COL23A1: variants seen among roughly 807,000 people sequenced by gnomAD.
The protein encoded by COL23A1 is collagen alpha-1(XXIII) chain.
A neutral mutation model predicts 99.3 loss-of-function variants in COL23A1; 97 were observed. The ratio of observed to expected loss-of-function variants is 0.98; its 90% confidence interval spans 0.83 to 1.16. The LOEUF (loss-of-function observed/expected upper bound fraction) is 1.16. COL23A1 is among the 50% of genes most tolerant of loss of function. The probability of loss-of-function intolerance (pLI) is 0.00; values close to 1 mark genes in which losing one functional copy is unlikely to be tolerated. For missense variants in COL23A1, 762 were observed against 757.4 expected, an observed-to-expected ratio of 1.01 and a Z score of -0.07; for synonymous variants, 320 against 308.2, an observed-to-expected ratio of 1.04 and a Z score of -0.40.
intron 2 of COL23A1, among the ~76,000 whole-genome samples, chr5:178,318,941 G>A (rs1180268418): frequency 6.6e-6 from 1 of 152,086 alleles, no homozygotes; most frequent in African/African-American, 2.4e-5. Flanking sequence ...AAGGGTGGAG[G>A]TCAGGTGAAC....
At chr5:178,374,044 T>C (rs1762938109) in intron 2 of COL23A1, among the ~76,000 whole-genome samples, 1 of 152,232 alleles carries the variant, frequency 6.6e-6, no homozygotes, top group Non-Finnish European at 1.5e-5. Flanking sequence ...ACAGGTCATA[T>C]GCACCTTTGA....
intron 3 of COL23A1, among the ~76,000 whole-genome samples, chr5:178,295,843 A>G (rs1757714056): frequency 6.6e-6 from 1 of 152,248 alleles, no homozygotes; most frequent in Admixed American, 6.5e-5. Context: ...GTATTGCTGC[A>G]TTTTAAAAGG....
At chr5:178,321,480 C>CTTTTTTTTTTTTTT in intron 2 of COL23A1, among the ~76,000 whole-genome samples, 1 of 109,040 alleles carries the variant, frequency 9.2e-6, no homozygotes, top group Non-Finnish European at 1.8e-5. Flanking sequence ...GTCACCTTCC[C>CTTTTTTTTTTTTTT]TTTTTTTTTT....
At chr5:178,442,447 T>G (rs1419910357) in intron 2 of COL23A1, among the ~76,000 whole-genome samples, 1 of 152,220 alleles carries the variant, frequency 6.6e-6, no homozygotes, top group Non-Finnish European at 1.5e-5. Context: ...GTTTTACCCC[T>G]GAGCATGTCA....
rs906121136 is a variant in COL23A1 at position 178,247,880 on chromosome 5, C to T, written c.1213-49G>A. On this transcript the variant is annotated intron_variant, in intron 20 of 28. Transcript: ENST00000390654. ...AGTCACCCACCGCCTGTCACCCTCA[C>T]CTACCCGCACCCGAGCTCATCGCAC... 4.0e-6 allele frequency: 6 copies of T among 1,505,640 alleles called. No individual in the cohort carries two copies. In the African/African-American group the frequency reaches 5.5e-5, roughly 14 times the overall value. The allele number at this position is 1,505,640 out of a possible 1,614,324, so 93.3% of individuals were successfully genotyped here. A position where few individuals can be genotyped will look rare whatever the true frequency, so the allele number is the denominator to read the frequency against.
At chr5:178,287,326 C>T (rs141845073) in intron 5 of COL23A1, among the ~76,000 whole-genome samples, 175 of 152,330 alleles carry the variant, frequency 1.1e-3, no homozygotes, top group Non-Finnish European at 2.0e-3. Flanking sequence ...CAGCCCAGCA[C>T]GGGGCCACTC....
rs201673007 is a variant in COL23A1, at chr5:178,246,220, C to T, written c.1413+34G>A. The T allele has an allele frequency of 5.5e-5, 85 of 1,551,688 alleles. No individual in the cohort carries two copies. In the African/African-American group the frequency reaches 9.0e-4, roughly 16 times the overall value. ...GAGCGCCACCATGACCAGGTGGCCA[C>T]GGTTGGAGAGGGAGTTCCGAATGAG... On this transcript the variant is annotated intron_variant, in intron 24 of 28. Transcript: ENST00000390654.
At chr5:178,291,744 G>C (rs959828336) in intron 3 of COL23A1, among the ~76,000 whole-genome samples, 2 of 152,130 alleles carry the variant, frequency 1.3e-5, no homozygotes, top group African/African-American at 4.8e-5. Context: ...TGGTGGGTGA[G>C]GGGGGAGTGG....
chr5:178,558,433 G>T (rs1159603204), intron 2 of COL23A1, among the ~76,000 whole-genome samples: 1 of 152,032 alleles, frequency 6.6e-6, no homozygotes, highest in Non-Finnish European at 1.5e-5. Context: ...CTGTCTTGGG[G>T]ACTTTCAAGC....
chr5:178,392,062 G>A (rs1052195949), intron 2 of COL23A1, among the ~76,000 whole-genome samples: 33 of 151,902 alleles, frequency 2.2e-4, no homozygotes, highest in East Asian at 1.9e-4. Context: ...AGTGGTTGCT[G>A]CGGGCTGGGG....
In COL23A1 at chr5:178,573,728, G is replaced by A. The variant is rs574951260; in HGVS notation, c.295-12980C>T. On this transcript the variant is annotated intron_variant, in intron 1 of 28. Transcript: ENST00000390654. ...TAACAGGAGAATGAATAGTGATATAGTCATACAATGAAATACTACTCTATA... is the reference window on the plus strand; with the variant it reads ...TAACAGGAGAATGAATAGTGATATAATCATACAATGAAATACTACTCTATA... Among the ~76,000 whole-genome samples, 3 of 152,272 alleles carry A rather than the reference G, an allele frequency of 2.0e-5. No individual in the cohort carries two copies. In the South Asian group the frequency reaches 6.2e-4, roughly 32 times the overall value.
chr5:178,381,202 T>C (rs34176122), intron 2 of COL23A1, among the ~76,000 whole-genome samples: 8,183 of 152,150 alleles, frequency 0.054, 246 homozygotes, highest in Middle Eastern at 0.065. Context: ...AATTAGGGGG[T>C]GGCTTACAAA....
At chr5:178,245,912 A>G in intron 25 of COL23A1, 30 bp downstream of exon 25, 3 of 1,613,652 alleles carry the variant, frequency 1.9e-6, no homozygotes, top group Non-Finnish European at 2.5e-6. Flanking sequence ...AGAGGCACCC[A>G]ATTACTCAAA....
intron 2 of COL23A1, among the ~76,000 whole-genome samples, chr5:178,509,180 A>G (rs1447430779): frequency 1.9e-5 from 1 of 53,716 alleles, no homozygotes; most frequent in African/African-American, 7.2e-5. Context: ...ACCCCCGCCC[A>G]CCCCACCGGC....
In COL23A1 at chr5:178,509,830, G is replaced by A. The variant is rs186906782; in HGVS notation, c.361+50852C>T. ...CTGGATCATTAGCCATTAATCATGTGCCGTCCAGGGACAGCTTGTCTGCTT... is the reference window on the plus strand; with the variant it reads ...CTGGATCATTAGCCATTAATCATGTACCGTCCAGGGACAGCTTGTCTGCTT... On this transcript the variant is annotated intron_variant, in intron 2 of 28. Transcript: ENST00000390654. Among the ~76,000 whole-genome samples, 582 of 152,294 alleles carry A rather than the reference G, an allele frequency of 3.8e-3. 6 individuals carry two copies. Among genetic ancestry groups the A allele is most frequent in the African/African-American group, 0.013 (557 of 41,552 alleles).
At chr5:178,357,146 A>G (rs187589021) in intron 2 of COL23A1, among the ~76,000 whole-genome samples, 136 of 152,316 alleles carry the variant, frequency 8.9e-4, no homozygotes, top group Non-Finnish European at 1.5e-3. Flanking sequence ...ATCTAATTGC[A>G]TTAAGCACGG....
intron 2 of COL23A1, among the ~76,000 whole-genome samples, chr5:178,493,190 C>A (rs925935300): frequency 6.6e-6 from 1 of 152,210 alleles, no homozygotes; most frequent in African/African-American, 2.4e-5. Context: ...CAGCTCCCAT[C>A]TTCTGTGGAT....
At chr5:178,529,624 G>A (rs1051249955) in intron 2 of COL23A1, among the ~76,000 whole-genome samples, 1 of 152,176 alleles carries the variant, frequency 6.6e-6, no homozygotes, top group African/African-American at 2.4e-5. Flanking sequence ...GACCAATAGA[G>A]GGACAGACGG....
At chr5:178,491,318 C>A (rs991417434) in intron 2 of COL23A1, among the ~76,000 whole-genome samples, 3 of 152,136 alleles carry the variant, frequency 2.0e-5, no homozygotes, top group African/African-American at 7.2e-5. Flanking sequence ...CCCAAGAGGA[C>A]GACAGTTCTC....
Sources: gnomAD v4.1 joint callset for allele counts (sites outside exome capture counted in the v4.1 genomes callset) on GRCh38, gnomAD v4.1.1 for gene constraint, MANE v1.5 for transcripts, NCBI Gene and HGNC (gene_info 2026-07-23, HGNC 2026-07-21) for gene names.